Variants in BBS4 observed in about 807,000 individuals in gnomAD.
The protein encoded by BBS4 is BBSome complex member BBS4.
Under a neutral mutation model 71.4 loss-of-function variants are expected in BBS4, and 58 were observed. The ratio of observed to expected loss-of-function variants is 0.81; its 90% CI spans 0.66 to 1.01. The LOEUF is 1.01. Ranked by LOEUF, BBS4 falls within the 50% of genes least tolerant of loss-of-function variation. BBS4 has a pLI of 0.00. For missense variants in BBS4, 660 were observed against 607.9 expected (o/e 1.09, Z -0.90); for synonymous variants, 228 against 216.8 (o/e 1.05, Z -0.46).
intron 2 of BBS4, among the ~76,000 whole-genome samples, chr15:72,702,365 A>G (rs1314353283): frequency 6.6e-6 from 1 of 152,142 alleles, no homozygotes; most frequent in Non-Finnish European, 1.5e-5. Flanking sequence ...TTATAATGTG[A>G]GAATGTTCTC....
In BBS4 at chr15:72,709,762, GATT is replaced by G; in HGVS notation, c.142_144del (p.Tyr48del). 1 of 1,613,596 alleles carries G rather than the reference GATT, an allele frequency of 6.2e-7. No homozygotes were observed. Among genetic ancestry groups the G allele is most frequent in the South Asian group, 1.1e-5 (1 of 91,074 alleles). On this transcript the variant is annotated inframe_deletion, in exon 3 of 16. Coordinates refer to ENST00000268057, the MANE Select transcript of BBS4 (RefSeq NM_033028.5). ...GATTCATCTTCATTATATCCGGAAA[GATT>G]ATGAAGCCTGCAAGGTAAGAGATTG...
intron 12 of BBS4, among the ~76,000 whole-genome samples, chr15:72,734,841 C>T (rs1184411717): frequency 6.6e-6 from 1 of 152,108 alleles, no homozygotes; most frequent in Non-Finnish European, 1.5e-5. Flanking sequence ...CAGGTGGGGA[C>T]TTTGACACTG....
At chr15:72,705,475 T>C (rs2065246443) in intron 2 of BBS4, among the ~76,000 whole-genome samples, 1 of 152,180 alleles carries the variant, frequency 6.6e-6, no homozygotes, top group South Asian at 2.1e-4. Flanking sequence ...GGATTTTCCT[T>C]TTTCTAATCC....
intron 1 of BBS4, among the ~76,000 whole-genome samples, chr15:72,689,050 T>TA (rs1446786739): frequency 2.6e-5 from 4 of 152,078 alleles, no homozygotes; most frequent in Admixed American, 1.3e-4. Context: ...AAGAGAATGT[T>TA]ACGACTAATT....
chr15:72,690,547 A>T (rs1288449502), intron 1 of BBS4, among the ~76,000 whole-genome samples: 1 of 152,222 alleles, frequency 6.6e-6, no homozygotes, highest in East Asian at 1.9e-4. Flanking sequence ...TTCTAGTTAG[A>T]TTTTAAAAAA....
At chr15:72,709,105 G>A (rs1437225599) in intron 2 of BBS4, among the ~76,000 whole-genome samples, 1 of 152,136 alleles carries the variant, frequency 6.6e-6, no homozygotes, top group Non-Finnish European at 1.5e-5. Flanking sequence ...TGAGGCATGT[G>A]ATCTTTGTGA....
chr15:72,705,919 C>G (rs1337183913), intron 2 of BBS4, among the ~76,000 whole-genome samples: 2 of 151,968 alleles, frequency 1.3e-5, no homozygotes, highest in Non-Finnish European at 2.9e-5. Flanking sequence ...TTAATAACAG[C>G]TAAGACTTGA....
chr15:72,693,244 T>C (rs925770452), intron 1 of BBS4, among the ~76,000 whole-genome samples: 1 of 152,228 alleles, frequency 6.6e-6, no homozygotes, highest in African/African-American at 2.4e-5. Context: ...CAGTAGATGC[T>C]TAGAATACTT....
In BBS4 at chr15:72,710,195, G is replaced by GTTCTTTTTTTTTTTTTTTTTTTTTTTTTT. The variant is rs1239689474; in HGVS notation, c.156+418_156+419insCTTTTTTTTTTTTTTTTTTTTTTTTTTTT. Reference sequence around the variant, plus strand: ...TAGATGAAAAATGGTATTTTGTCGAGTTTTTTTTTTTTTTTTTTTTTTTTT... The same window carrying GTTCTTTTTTTTTTTTTTTTTTTTTTTTTT: ...TAGATGAAAAATGGTATTTTGTCGAGTTCTTTTTTTTTTTTTTTTTTTTTTTTTTTTTTTTTTTTTTTTTTTTTTTTTTT... On this transcript the variant is annotated intron_variant, in intron 3 of 15. Transcript: ENST00000268057. Among the ~76,000 whole-genome samples the GTTCTTTTTTTTTTTTTTTTTTTTTTTTTT allele has an allele frequency of 2.9e-5, 3 of 103,436 alleles. 1 individual carries two copies. 67.9% of individuals were successfully genotyped at this position (103,436 alleles called of 152,430 possible).
intron 12 of BBS4, among the ~76,000 whole-genome samples, chr15:72,733,217 G>A (rs1567431375): frequency 6.6e-6 from 1 of 152,148 alleles, no homozygotes; most frequent in Admixed American, 6.5e-5. Flanking sequence ...CTACTTGGGA[G>A]GCTAAGGCAG....
chr15:72,687,991 CAT>C (rs1373034113), intron 1 of BBS4, among the ~76,000 whole-genome samples: 1 of 107,752 alleles, frequency 9.3e-6, no homozygotes, highest in Non-Finnish European at 1.9e-5. Context: ...ATATTAAAAA[CAT>C]AGGAAAGAAA....
intron 2 of BBS4, among the ~76,000 whole-genome samples, chr15:72,695,649 A>G (rs1188089005): frequency 6.6e-6 from 1 of 152,222 alleles, no homozygotes; most frequent in Non-Finnish European, 1.5e-5. Flanking sequence ...AGTGTTGGGA[A>G]AAGAAGTAAT....
At chr15:72,724,371 T>A (rs59715931) in intron 7 of BBS4, among the ~76,000 whole-genome samples, 157 bp from the exon 8 acceptor site, 2,957 of 152,196 alleles carry the variant, frequency 0.019, 89 homozygotes, top group African/African-American at 0.068. Context: ...ACAAGGACAG[T>A]TTTGGTATGT....
intron 3 of BBS4, 91 bp downstream of exon 3, chr15:72,709,870 C>T: frequency 9.5e-7 from 1 of 1,054,686 alleles, no homozygotes; most frequent in Non-Finnish European, 1.5e-6. Context: ...CAGTTTATAT[C>T]TCAGTGATAA....
chr15:72,708,282 A>G (rs1428314218), intron 2 of BBS4, among the ~76,000 whole-genome samples: 1 of 152,120 alleles, frequency 6.6e-6, no homozygotes, highest in Non-Finnish European at 1.5e-5. Flanking sequence ...GATATTAACT[A>G]TCTTATATGT....
Position 72,738,118 on chromosome 15 carries a change from A to G in BBS4, c.*531A>G, listed in dbSNP as rs1170793133. 2.2e-6 allele frequency: 1 copy of G among 452,950 alleles called. No homozygotes were observed. The highest frequency in any genetic ancestry group is 2.4e-5 in the Admixed American group (1 of 42,306). The allele number at this position is 452,950 out of a possible 1,614,324, so 28.1% of individuals were successfully genotyped here. On this transcript the variant is annotated 3_prime_UTR_variant, in exon 16 of 16. Transcript: ENST00000268057. The stretch of plus-strand genomic sequence containing the variant: ...AAAGAAAAAAAACAAAAGCCCTGGA[A>G]GTTGAGGCCAAGCCTGCTGAGTATT...
chr15:72,686,220 G>C lies in BBS4; in HGVS notation c.-8G>C, dbSNP rs747743317. The C allele has an allele frequency of 1.2e-5, 19 of 1,561,868 alleles. No individual in the cohort carries two copies. Among genetic ancestry groups the C allele is most frequent in the Non-Finnish European group, 1.6e-5 (18 of 1,154,040 alleles). The stretch of plus-strand genomic sequence containing the variant: ...ACTTCCGGCCGCGCAGCGGTGGGCT[G>C]AGCTAAAATGGCTGAGGAGAGAGTC... On this transcript the variant is annotated 5_prime_UTR_variant, in exon 1 of 16. Transcript: ENST00000268057.
At chr15:72,724,728 A>C in intron 8 of BBS4, 73 bp downstream of exon 8, 1 of 1,569,436 alleles carries the variant, frequency 6.4e-7, no homozygotes, top group Non-Finnish European at 8.7e-7. Flanking sequence ...TCCCAAGCCT[A>C]AAAGAGTGAA....
intron 1 of BBS4, among the ~76,000 whole-genome samples, chr15:72,694,751 C>A (rs1429349994): frequency 6.6e-6 from 1 of 152,094 alleles, no homozygotes; most frequent in Non-Finnish European, 1.5e-5. Flanking sequence ...AACTATCTCC[C>A]TTTTAGAATT....
Sources: gnomAD v4.1 joint callset for allele counts (sites outside exome capture counted in the v4.1 genomes callset) on GRCh38, gnomAD v4.1.1 for gene constraint, MANE v1.5 for transcripts, NCBI Gene and HGNC (gene_info 2026-07-23, HGNC 2026-07-21) for gene names.